The following ROBO1 variants were observed in gnomAD, a reference collection of about 807,000 sequenced individuals.
The protein encoded by ROBO1 is roundabout homolog 1.
A neutral mutation model predicts 195.9 loss-of-function variants in ROBO1; 149 were observed. The observed-to-expected ratio is 0.76, with a 90% CI of 0.67 to 0.87. The LOEUF (loss-of-function observed/expected upper bound fraction) is 0.87, where lower values mean the gene tolerates loss of function less well. Among genes scored for constraint, ROBO1 ranks in the 40% least tolerant of loss-of-function variants. The pLI is 0.00. For missense variants in ROBO1, 1,933 were observed against 2,068.3 expected (o/e 0.93, Z 1.27); for synonymous variants, 816 against 733.2 (o/e 1.11, Z -1.82).
intron 3 of ROBO1, among the ~76,000 whole-genome samples, chr3:78,960,521 C>T (rs1306071603): frequency 6.6e-6 from 1 of 151,902 alleles, no homozygotes; most frequent in African/African-American, 2.4e-5. Context: ...TGGCTCACAC[C>T]TGTAATCGCA....
intron 2 of ROBO1, among the ~76,000 whole-genome samples, chr3:79,279,882 T>C (rs986179725): frequency 2.0e-5 from 3 of 152,206 alleles, no homozygotes; most frequent in East Asian, 1.9e-4. Context: ...AAATGTGATA[T>C]ATAGATCACA....
intron 4 of ROBO1, among the ~76,000 whole-genome samples, chr3:78,798,136 AATTT>A (rs1384332284): frequency 6.6e-6 from 1 of 152,158 alleles, no homozygotes; most frequent in East Asian, 1.9e-4. Context: ...TATTCATGGG[AATTT>A]ATTTAGTAGT....
At chr3:79,477,602 T>C (rs1281771698) in intron 2 of ROBO1, among the ~76,000 whole-genome samples, 1 of 151,974 alleles carries the variant, frequency 6.6e-6, no homozygotes, top group East Asian at 1.9e-4. Flanking sequence ...AAGATGAACA[T>C]ATATGTTTAC....
At chr3:78,965,669 T>A (rs2076626631) in intron 3 of ROBO1, among the ~76,000 whole-genome samples, 1 of 152,218 alleles carries the variant, frequency 6.6e-6, no homozygotes, top group African/African-American at 2.4e-5. Flanking sequence ...GAAGCATTTT[T>A]AATATAAAAC....
At position 79,307,968 on chromosome 3, in the gene ROBO1, T is replaced by C. The variant is rs111269759; in HGVS notation, c.89-182429A>G. ...GATTTAAATTTGTTTTCTTTTATTA[T>C]CTTCATAACATTGAGTGTCCTGCTT... On this transcript the variant is annotated intron_variant, in intron 2 of 30. Transcript: ENST00000464233. Among the ~76,000 whole-genome samples the C allele has an allele frequency of 8.4e-4, 128 of 152,274 alleles. 1 individual carries two copies. The highest frequency in any genetic ancestry group is 3.0e-3 in the African/African-American group (123 of 41,582).
At chr3:79,707,662 C>T (rs923117753) in intron 1 of ROBO1, among the ~76,000 whole-genome samples, 1 of 152,132 alleles carries the variant, frequency 6.6e-6, no homozygotes, top group Non-Finnish European at 1.5e-5. Context: ...GCACATGCCA[C>T]CACGCCTGGC....
At chr3:79,753,643 GAA>G (rs139623404) in intron 1 of ROBO1, among the ~76,000 whole-genome samples, 3,113 of 152,216 alleles carry the variant, frequency 0.02, 99 homozygotes, top group African/African-American at 0.07. Context: ...CATAAAAGTT[GAA>G]GTCATAGATG....
chr3:79,492,501 T>C (rs1432678464), intron 2 of ROBO1, among the ~76,000 whole-genome samples: 1 of 151,332 alleles, frequency 6.6e-6, no homozygotes, highest in Middle Eastern at 3.5e-3. Flanking sequence ...AAACCATTTA[T>C]GAGTTATTTT....
chr3:79,600,083 C>T (rs1243849325), intron 1 of ROBO1, among the ~76,000 whole-genome samples: 1 of 151,946 alleles, frequency 6.6e-6, no homozygotes, highest in East Asian at 1.9e-4. Flanking sequence ...CTAGCTCAGT[C>T]AGATGAATTC....
chr3:79,009,607 G>C (rs2108201098), intron 3 of ROBO1, among the ~76,000 whole-genome samples: 1 of 152,292 alleles, frequency 6.6e-6, no homozygotes, highest in East Asian at 1.9e-4. Context: ...AAAGAGTATT[G>C]ATTACAGTGC....
chr3:79,284,022 T>C (rs931731879), intron 2 of ROBO1, among the ~76,000 whole-genome samples: 1 of 152,046 alleles, frequency 6.6e-6, no homozygotes, highest in African/African-American at 2.4e-5. Flanking sequence ...AAAAATGTTT[T>C]CTGTTTTGTA....
chr3:79,388,111 T>G (rs1462139856), intron 2 of ROBO1, among the ~76,000 whole-genome samples: 1 of 152,198 alleles, frequency 6.6e-6, no homozygotes, highest in Non-Finnish European at 1.5e-5. Context: ...TGATCTTTTA[T>G]AGTGAAACTA....
At chr3:78,880,050 A>AT (rs1473352383) in intron 4 of ROBO1, among the ~76,000 whole-genome samples, 1 of 152,182 alleles carries the variant, frequency 6.6e-6, no homozygotes, top group Non-Finnish European at 1.5e-5. Flanking sequence ...TGTAATACCT[A>AT]TTAAAGCACC....
chr3:78,659,660 A>AATATATAT (rs10662787), intron 17 of ROBO1, 26 bp downstream of exon 17: 25 of 1,346,096 alleles, frequency 1.9e-5, no homozygotes, highest in Non-Finnish European at 2.4e-5. Context: ...TCAGGACATT[A>AATATATAT]ATATATATAT....
At chr3:79,437,226 T>C (rs899267818) in intron 2 of ROBO1, among the ~76,000 whole-genome samples, 1 of 151,982 alleles carries the variant, frequency 6.6e-6, no homozygotes, top group African/African-American at 2.4e-5. Flanking sequence ...CAAGATCCAA[T>C]GAAAGACTGA....
At chr3:79,456,093 C>G (rs1271673180) in intron 2 of ROBO1, among the ~76,000 whole-genome samples, 2 of 152,070 alleles carry the variant, frequency 1.3e-5, no homozygotes, top group African/African-American at 4.8e-5. Flanking sequence ...TCTTCCTGAC[C>G]ATACGTGTTA....
In ROBO1 at chr3:79,328,999, T is replaced by G. The variant is rs374718891; in HGVS notation, c.89-203460A>C. 1.8e-4 allele frequency among the ~76,000 whole-genome samples: 27 copies of G among 152,294 alleles called. 1 individual carries two copies. The East Asian group carries it at 4.6e-3, about 26-fold the overall frequency. Reference sequence around the variant, plus strand: ...AGGATAGAAGGCGTCATAAAAGACATCCGGTACAATTTTACTTCATTTGTG... The same window carrying G: ...AGGATAGAAGGCGTCATAAAAGACAGCCGGTACAATTTTACTTCATTTGTG... On this transcript the variant is annotated intron_variant, in intron 2 of 30. Transcript: ENST00000464233.
chr3:78,996,490 T>A (rs1231234244), intron 3 of ROBO1, among the ~76,000 whole-genome samples: 2 of 152,170 alleles, frequency 1.3e-5, no homozygotes, highest in Non-Finnish European at 2.9e-5. Flanking sequence ...GGCCTCTCTC[T>A]GCAAGTCACT....
intron 2 of ROBO1, among the ~76,000 whole-genome samples, chr3:79,197,065 T>G (rs536361354): frequency 1.3e-5 from 2 of 151,622 alleles, no homozygotes; most frequent in South Asian, 4.2e-4. Flanking sequence ...TTTCGTATTA[T>G]TATACTTTAA....
Sources: allele counts gnomAD v4.1 joint callset (sites outside exome capture counted in the v4.1 genomes callset), GRCh38; gene constraint gnomAD v4.1.1; transcripts MANE v1.5; gene names NCBI Gene and HGNC (gene_info 2026-07-23, HGNC 2026-07-21).